Variants in PDS5B observed in about 807,000 individuals in gnomAD.
PDS5B encodes sister chromatid cohesion protein PDS5 homolog B.
In PDS5B, 51 loss-of-function variants were observed where a neutral mutation model predicts 184.1. The ratio of observed to expected loss-of-function variants is 0.28; its 90% CI spans 0.22 to 0.35. The LOEUF is 0.35. Ranked by LOEUF, PDS5B falls within the 10% of genes least tolerant of loss-of-function variation. The pLI is 1.00. For synonymous variants in PDS5B, 566 were observed against 569.2 expected (o/e 0.99, Z 0.08); for missense variants, 1,180 against 1,723.3 (o/e 0.68, Z 5.58).
chr13:32,709,300 A>G (rs1233563491), intron 18 of PDS5B, among the ~76,000 whole-genome samples: 1 of 151,950 alleles, frequency 6.6e-6, no homozygotes, highest in African/African-American at 2.4e-5. Flanking sequence ...ATTTATTTTG[A>G]AAGTGTGTTG....
intron 24 of PDS5B, among the ~76,000 whole-genome samples, chr13:32,752,072 T>A (rs1333638779): frequency 7.3e-6 from 1 of 137,612 alleles, no homozygotes; most frequent in Non-Finnish European, 1.6e-5. Flanking sequence ...GAGTGTAAGG[T>A]GTAATCATGA....
At chr13:32,761,126 T>C (rs1954379869) in intron 30 of PDS5B, among the ~76,000 whole-genome samples, 1 of 152,220 alleles carries the variant, frequency 6.6e-6, no homozygotes, top group Admixed American at 6.5e-5. Context: ...AGCAGCATTA[T>C]GGAATCTTTA....
intron 1 of PDS5B, among the ~76,000 whole-genome samples, chr13:32,625,203 A>G (rs2058353132): frequency 6.6e-6 from 1 of 152,064 alleles, no homozygotes; most frequent in Admixed American, 6.5e-5. Context: ...TGCAGCCTTG[A>G]CCATCTGGGC....
intron 1 of PDS5B, among the ~76,000 whole-genome samples, chr13:32,636,446 A>G (rs1003483415): frequency 6.6e-5 from 10 of 152,154 alleles, no homozygotes; most frequent in Non-Finnish European, 1.2e-4. Flanking sequence ...AGCTTTTTTC[A>G]TATGGAAGTG....
chr13:32,606,062 T>G (rs938409585), intron 1 of PDS5B, among the ~76,000 whole-genome samples: 4 of 152,230 alleles, frequency 2.6e-5, no homozygotes, highest in African/African-American at 9.6e-5. Context: ...ATTTAGCCCA[T>G]TTACATTTGA....
At chr13:32,716,633 G>C (rs1228817591) in intron 19 of PDS5B, among the ~76,000 whole-genome samples, 1 of 141,086 alleles carries the variant, frequency 7.1e-6, no homozygotes, top group African/African-American at 2.6e-5. Context: ...TCAGCCCCCC[G>C]CCCGGCCAGC....
chr13:32,739,123 T>C (rs1334028723), intron 21 of PDS5B, among the ~76,000 whole-genome samples: 2 of 152,204 alleles, frequency 1.3e-5, no homozygotes, highest in South Asian at 2.1e-4. Context: ...GAAGGTTTTC[T>C]TTTTTTACAC....
In PDS5B at chr13:32,735,740, AT is replaced by A. The variant is rs550867953; in HGVS notation, c.2406+412del. On this transcript the variant is annotated intron_variant, in intron 21 of 34. Coordinates refer to ENST00000315596, the MANE Select transcript of PDS5B (RefSeq NM_015032.4). Reference sequence around the variant, plus strand: ...CTACATTGGGAGAGAACGAAAAAACATTGGGAGAGGAAATAATGATTTTGTT... The same window carrying A: ...CTACATTGGGAGAGAACGAAAAAACATGGGAGAGGAAATAATGATTTTGTT... Among the ~76,000 whole-genome samples, 316 of 152,306 alleles carry A rather than the reference AT, an allele frequency of 2.1e-3. 1 individual carries two copies. Among genetic ancestry groups the A allele is most frequent in the Middle Eastern group, 0.014 (4 of 294 alleles).
At chr13:32,664,590 T>C (rs1950735360) in intron 6 of PDS5B, among the ~76,000 whole-genome samples, 1 of 152,150 alleles carries the variant, frequency 6.6e-6, no homozygotes, top group Non-Finnish European at 1.5e-5. Context: ...GAGGCCAGGC[T>C]CACTAGCTCT....
intron 19 of PDS5B, among the ~76,000 whole-genome samples, chr13:32,716,155 T>A (rs1298522172): frequency 7.0e-6 from 1 of 142,128 alleles, no homozygotes; most frequent in African/African-American, 2.7e-5. Flanking sequence ...TCTGCCTGGC[T>A]GCCCAGTCTG....
At chr13:32,594,430 T>C (rs149426131) in intron 1 of PDS5B, among the ~76,000 whole-genome samples, 9 of 152,300 alleles carry the variant, frequency 5.9e-5, no homozygotes, top group Non-Finnish European at 1.3e-4. Flanking sequence ...GAGATGTATA[T>C]TCAAGTGGGA....
intron 1 of PDS5B, among the ~76,000 whole-genome samples, chr13:32,606,013 C>G (rs975318485): frequency 6.6e-6 from 1 of 151,880 alleles, no homozygotes; most frequent in African/African-American, 2.4e-5. Context: ...GGTCTTGACT[C>G]TTTATCCAAT....
intron 10 of PDS5B, 21 bp downstream of exon 10, chr13:32,678,950 C>A: frequency 1.6e-6 from 2 of 1,273,990 alleles, no homozygotes; most frequent in Non-Finnish European, 2.3e-6. Context: ...TATGTAACAG[C>A]AAATATTCTT....
At chr13:32,698,929 T>A (rs148892453) in intron 15 of PDS5B, among the ~76,000 whole-genome samples, 1 of 152,124 alleles carries the variant, frequency 6.6e-6, no homozygotes, top group East Asian at 1.9e-4. Context: ...ATTTTTGTAT[T>A]CTTTTAGTAG....
Position 32,755,871 on chromosome 13 carries a change from G to A in PDS5B, c.2971G>A (p.Val991Ile). The A allele has an allele frequency of 6.6e-7, 1 of 1,514,378 alleles. No individual in the cohort carries two copies. Among genetic ancestry groups the A allele is most frequent in the Non-Finnish European group, 9.0e-7 (1 of 1,105,184 alleles). The allele number at this position is 1,514,378 out of a possible 1,614,324, so 93.8% of individuals were successfully genotyped here. A position where few individuals can be genotyped will look rare whatever the true frequency, so the allele number is the denominator to read the frequency against. Residue 991 changes from valine to isoleucine, a missense_variant, in exon 26 of 35, where the codon GTT (valine) becomes ATT (isoleucine). Physicochemically the swap from Val to Ile is conservative, Grantham distance 29. Around this residue, in one of 11 missense-constraint regions of PDS5B, gnomAD observed 57 missense variants for 80.9 expected, o/e 0.70. Coordinates refer to ENST00000315596, the MANE Select transcript of PDS5B (RefSeq NM_015032.4). ...EKLLSLLPEY[V>I]VPYTIHLLAH... ...ATTATTGTCTCTTCTACCAGAGTAT[G>A]TTGTTCCATATACAATTCACCTTTT...
chr13:32,684,722 A>G (rs1374266481), intron 11 of PDS5B, among the ~76,000 whole-genome samples: 1 of 152,214 alleles, frequency 6.6e-6, no homozygotes. Flanking sequence ...AATTTTGGTG[A>G]AGGATGAGAC....
intron 1 of PDS5B, among the ~76,000 whole-genome samples, chr13:32,605,668 G>T (rs976355352): frequency 8.5e-5 from 13 of 152,138 alleles, no homozygotes; most frequent in African/African-American, 2.4e-4. Context: ...CGATAGTGGG[G>T]TGTTAAAGTC....
At chr13:32,679,928 C>T (rs1231612350) in intron 10 of PDS5B, among the ~76,000 whole-genome samples, 2 of 129,234 alleles carry the variant, frequency 1.5e-5, no homozygotes, top group African/African-American at 5.6e-5. Flanking sequence ...TGTTTCTACA[C>T]CTCCCCTTTC....
intron 1 of PDS5B, among the ~76,000 whole-genome samples, chr13:32,612,011 C>G (rs781168475): frequency 5.3e-4 from 81 of 151,722 alleles, no homozygotes; most frequent in Non-Finnish European, 9.9e-4. Flanking sequence ...ATGAAATCTG[C>G]CTGGGTTTGT....
Sources: allele counts gnomAD v4.1 joint callset (sites outside exome capture counted in the v4.1 genomes callset), GRCh38; gene constraint gnomAD v4.1.1; regional missense constraint gnomAD v4.1.1; transcripts MANE v1.5; gene names NCBI Gene and HGNC (gene_info 2026-07-23, HGNC 2026-07-21).